The following NRG1 variants were observed in gnomAD, a reference collection of about 807,000 sequenced individuals.
The protein encoded by NRG1 is pro-neuregulin-1, membrane-bound isoform.
NRG1 carries 18 observed loss-of-function variants against 63.8 expected under a neutral mutation model. The observed-to-expected ratio is 0.28, with a 90% CI of 0.19 to 0.42. The LOEUF (loss-of-function observed/expected upper bound fraction) is 0.42. NRG1 is among the 10% of genes least tolerant of loss of function. The pLI is 1.00. For missense variants in NRG1, 762 were observed against 814.7 expected (o/e 0.94, Z 0.79); for synonymous variants, 302 against 301.3 (o/e 1.00, Z -0.02).
chr8:32,455,126 G>C (rs1018803376), intron 1 of NRG1, among the ~76,000 whole-genome samples: 1 of 152,078 alleles, frequency 6.6e-6, no homozygotes, highest in Non-Finnish European at 1.5e-5. Flanking sequence ...TTCTCAGAAG[G>C]TACCCCCATC....
At chr8:32,019,654 T>G (rs1316871864) in intron 1 of NRG1, among the ~76,000 whole-genome samples, 1 of 152,228 alleles carries the variant, frequency 6.6e-6, no homozygotes, top group East Asian at 1.9e-4. Flanking sequence ...AGATGGTTGG[T>G]GTTTTAGTTC....
chr8:32,477,863 T>TTTGG (rs1471941948), intron 1 of NRG1, among the ~76,000 whole-genome samples: 1 of 152,218 alleles, frequency 6.6e-6, no homozygotes, highest in East Asian at 1.9e-4. Flanking sequence ...AATGTGTCAC[T>TTTGG]TTGGTTATAG....
intron 1 of NRG1, among the ~76,000 whole-genome samples, chr8:32,500,366 G>A (rs540413796): frequency 6.6e-6 from 1 of 152,274 alleles, no homozygotes; most frequent in African/African-American, 2.4e-5. Context: ...TCCCGGGCCT[G>A]CCAGAAAGTT....
intron 5 of NRG1, among the ~76,000 whole-genome samples, chr8:32,692,352 G>C (rs1811969158): frequency 6.6e-6 from 1 of 152,158 alleles, no homozygotes; most frequent in Non-Finnish European, 1.5e-5. Context: ...AATTTGTCCA[G>C]CAGCACACAA....
chr8:32,733,039 T>G (rs934313363), intron 6 of NRG1, among the ~76,000 whole-genome samples: 5 of 152,114 alleles, frequency 3.3e-5, no homozygotes, highest in Admixed American at 2.6e-4. Context: ...ACTCCTGACT[T>G]CAGGTGATCC....
chr8:31,705,569 A>G (rs1811070985), intron 1 of NRG1, among the ~76,000 whole-genome samples: 1 of 152,222 alleles, frequency 6.6e-6, no homozygotes, highest in Non-Finnish European at 1.5e-5. Flanking sequence ...TAATGTTGTG[A>G]CAAGATGATT....
intron 1 of NRG1, among the ~76,000 whole-genome samples, chr8:32,549,841 TG>T (rs1833789859): frequency 6.6e-6 from 1 of 152,124 alleles, no homozygotes; most frequent in Non-Finnish European, 1.5e-5. Flanking sequence ...AGGAAGGAGA[TG>T]GGGGAGAATT....
At chr8:31,732,843 C>T (rs1312321233) in intron 1 of NRG1, among the ~76,000 whole-genome samples, 3 of 152,034 alleles carry the variant, frequency 2.0e-5, no homozygotes, top group African/African-American at 4.8e-5. Context: ...TGCAGTGAGC[C>T]GTGATTGCAC....
At chr8:31,937,076 T>G in intron 1 of NRG1, among the ~76,000 whole-genome samples, 1 of 152,372 alleles carries the variant, frequency 6.6e-6, no homozygotes, top group South Asian at 2.1e-4. Context: ...CATAAACTTA[T>G]ATAAGCTTCT....
rs192255119 is a variant in NRG1, at chr8:32,708,069, C to T, written c.503-19880C>T. 1.6e-3 allele frequency among the ~76,000 whole-genome samples: 236 copies of T among 151,778 alleles called. 1 individual carries two copies. Among genetic ancestry groups the T allele is most frequent in the Non-Finnish European group, 2.7e-3 (185 of 67,854 alleles). Reference sequence around the variant, plus strand: ...AATAAAGTCCTAAAAGTTAAATCATCCTTATTATACTTAACATAATCCAAA... The same window carrying T: ...AATAAAGTCCTAAAAGTTAAATCATTCTTATTATACTTAACATAATCCAAA... On this transcript the variant is annotated intron_variant, in intron 5 of 11. Coordinates refer to ENST00000356819, the Ensembl canonical transcript of NRG1.
intron 1 of NRG1, among the ~76,000 whole-genome samples, chr8:32,159,865 T>C (rs1838633324): frequency 6.6e-6 from 1 of 152,158 alleles, no homozygotes; most frequent in African/African-American, 2.4e-5. Context: ...CATGATGTGC[T>C]GGAATGGGAT....
At chr8:31,655,936 C>T (rs372615261) in intron 1 of NRG1, among the ~76,000 whole-genome samples, 15 of 152,268 alleles carry the variant, frequency 9.9e-5, no homozygotes, top group South Asian at 8.3e-4. Flanking sequence ...GTAGGTGATG[C>T]GATGGCAAAT....
chr8:32,351,985 C>A (rs1805663889), intron 1 of NRG1, among the ~76,000 whole-genome samples: 1 of 151,654 alleles, frequency 6.6e-6, no homozygotes, highest in Non-Finnish European at 1.5e-5. Flanking sequence ...AGTGCTTCAG[C>A]TCTCTGTGCT....
At position 32,742,192 on chromosome 8, in the gene NRG1, C is replaced by A. The variant is rs1826479188; in HGVS notation, c.633-483C>A. On this transcript the variant is annotated intron_variant, in intron 6 of 11. Transcript: ENST00000356819. This position sits in a 1 kb window ranked among gnomAD's most constrained non-coding sequence, Gnocchi z 4.2. Reference sequence around the variant, plus strand: ...TCATTTTGTTCTAATTATGGCTTAACCTCTCAAGGCATAAACCCATTCAGT... The same window carrying A: ...TCATTTTGTTCTAATTATGGCTTAAACTCTCAAGGCATAAACCCATTCAGT... 2.4e-6 allele frequency: 2 copies of A among 822,480 alleles called. No homozygotes were observed. The highest frequency in any genetic ancestry group is 5.3e-5 in the East Asian group (2 of 37,918). The allele number at this position is 822,480 out of a possible 1,614,324, so 50.9% of individuals were successfully genotyped here.
intron 1 of NRG1, among the ~76,000 whole-genome samples, chr8:31,989,887 T>TGC (rs1810766815): frequency 6.6e-6 from 1 of 152,144 alleles, no homozygotes; most frequent in Non-Finnish European, 1.5e-5. Flanking sequence ...TTGGACTTTG[T>TGC]GCTTATGTGA....
chr8:32,049,506 T>C (rs1360908700), intron 1 of NRG1, among the ~76,000 whole-genome samples: 2 of 152,132 alleles, frequency 1.3e-5, no homozygotes, highest in African/African-American at 2.4e-5. Flanking sequence ...TTAGTTTAAA[T>C]AGAAGATTGA....
At chr8:31,829,495 G>T (rs1342909678) in intron 1 of NRG1, among the ~76,000 whole-genome samples, 1 of 152,086 alleles carries the variant, frequency 6.6e-6, no homozygotes, top group East Asian at 1.9e-4. Context: ...TAATATACTT[G>T]GGTAAAATTT....
chr8:32,631,864 C>T (rs956735663), intron 5 of NRG1, among the ~76,000 whole-genome samples: 1 of 152,158 alleles, frequency 6.6e-6, no homozygotes, highest in Admixed American at 6.5e-5. Flanking sequence ...TTTTAATTTG[C>T]GCAGAATTCG....
At chr8:32,040,759 A>ATATATGGCGCATATATG in intron 1 of NRG1, among the ~76,000 whole-genome samples, 1 of 131,456 alleles carries the variant, frequency 7.6e-6, no homozygotes, top group African/African-American at 2.7e-5. Flanking sequence ...GCATATATAT[A>ATATATGGCGCATATATG]TATATATATG....
Sources: allele counts gnomAD v4.1 joint callset (sites outside exome capture counted in the v4.1 genomes callset), GRCh38; gene constraint gnomAD v4.1.1; non-coding constraint Gnocchi (gnomAD v3.1); transcripts MANE v1.5; gene names NCBI Gene and HGNC (gene_info 2026-07-23, HGNC 2026-07-21).